The following HEMK2 variants were observed in gnomAD, a reference collection of about 807,000 sequenced individuals.
HEMK2 encodes the protein methyltransferase HEMK2.
chr21:28,671,932 C>T, the HEMK2 span, among the ~76,000 whole-genome samples: 2 of 152,108 alleles, frequency 1.3e-5, no homozygotes, highest in Non-Finnish European at 2.9e-5. Flanking sequence ...CCTATCATTT[C>T]GCTGGAAAAC....
At chr21:28,741,581 T>G in the HEMK2 span, among the ~76,000 whole-genome samples, 8 of 152,110 alleles carry the variant, frequency 5.3e-5, no homozygotes, top group Non-Finnish European at 7.4e-5. Flanking sequence ...CCCCAGCGGG[T>G]GTTGTTCCCC....
At chr21:28,715,345 G>GC in the HEMK2 span, among the ~76,000 whole-genome samples, 14 of 152,038 alleles carry the variant, frequency 9.2e-5, no homozygotes, top group East Asian at 2.1e-3. Context: ...TCTGACTGAT[G>GC]CAAGATGGTA....
chr21:28,603,452 A>G, the HEMK2 span, among the ~76,000 whole-genome samples: 2 of 151,934 alleles, frequency 1.3e-5, no homozygotes, highest in Non-Finnish European at 2.9e-5. Context: ...ACTCTTCCAC[A>G]ATATTATTTT....
the HEMK2 span, among the ~76,000 whole-genome samples, chr21:28,609,839 G>A: frequency 3.0e-4 from 46 of 152,206 alleles, no homozygotes; most frequent in South Asian, 7.5e-3. Flanking sequence ...CAGGGCTTTT[G>A]AATTAACTCA....
the HEMK2 span, among the ~76,000 whole-genome samples, chr21:28,603,719 T>G: frequency 2.0e-5 from 3 of 152,330 alleles, no homozygotes; most frequent in African/African-American, 7.2e-5. Flanking sequence ...GGTTGTTTTC[T>G]GAAGGAGCTC....
chr21:28,796,097 C>G, the HEMK2 span, among the ~76,000 whole-genome samples: 1 of 152,114 alleles, frequency 6.6e-6, no homozygotes, highest in African/African-American at 2.4e-5. Context: ...AAGAGACAAA[C>G]AGAAGAGTGA....
the HEMK2 span, among the ~76,000 whole-genome samples, chr21:28,627,921 A>T: frequency 6.6e-6 from 1 of 152,190 alleles, no homozygotes; most frequent in Admixed American, 6.5e-5. Context: ...GTTGCTGGCC[A>T]CTACTTCATT....
the HEMK2 span, among the ~76,000 whole-genome samples, chr21:28,628,429 C>T: frequency 6.6e-6 from 1 of 152,068 alleles, no homozygotes; most frequent in Non-Finnish European, 1.5e-5. Flanking sequence ...CTTTGGAGTT[C>T]AGATTAGATC....
the HEMK2 span, among the ~76,000 whole-genome samples, chr21:28,608,499 T>A: frequency 6.7e-6 from 1 of 149,812 alleles, no homozygotes; most frequent in South Asian, 2.1e-4. Flanking sequence ...ACCCACTTCA[T>A]GAACTTTTGC....
chr21:28,712,199 C>T, the HEMK2 span, among the ~76,000 whole-genome samples: 17 of 152,280 alleles, frequency 1.1e-4, no homozygotes, highest in Admixed American at 3.9e-4. Flanking sequence ...CCTGGTTGCC[C>T]ACCACCATGA....
chr21:28,795,438 G>A, the HEMK2 span, among the ~76,000 whole-genome samples: 1 of 152,164 alleles, frequency 6.6e-6, no homozygotes, highest in African/African-American at 2.4e-5. Flanking sequence ...TTGGTCAAGT[G>A]TCTCCCCTCT....
At chr21:28,804,896 A>AT in the HEMK2 span, among the ~76,000 whole-genome samples, 1 of 152,220 alleles carries the variant, frequency 6.6e-6, no homozygotes, top group African/African-American at 2.4e-5. Context: ...TACTGTTTGT[A>AT]ATTCATGTTT....
At chr21:28,614,098 C>T in the HEMK2 span, among the ~76,000 whole-genome samples, 1 of 152,224 alleles carries the variant, frequency 6.6e-6, no homozygotes, top group Non-Finnish European at 1.5e-5. Flanking sequence ...TCCTTTCCCT[C>T]TCTTTTCCTC....
chr21:28,710,421 T>C, the HEMK2 span, among the ~76,000 whole-genome samples: 13 of 152,358 alleles, frequency 8.5e-5, no homozygotes, highest in South Asian at 2.7e-3. Context: ...TTTTTTACTT[T>C]AAAATGCTAT....
chr21:28,580,462 C>T, the HEMK2 span, among the ~76,000 whole-genome samples: 9 of 152,010 alleles, frequency 5.9e-5, no homozygotes, highest in African/African-American at 9.7e-5. Context: ...CACCCCACTC[C>T]CCACCCATTT....
chr21:28,839,022 C>T, the HEMK2 span, among the ~76,000 whole-genome samples: 1 of 112,316 alleles, frequency 8.9e-6, no homozygotes, highest in South Asian at 3.0e-4. Flanking sequence ...CACAATCTGC[C>T]ATGATAAAGT....
At chr21:28,728,245 A>C in the HEMK2 span, among the ~76,000 whole-genome samples, 3 of 152,230 alleles carry the variant, frequency 2.0e-5, no homozygotes, top group Non-Finnish European at 4.4e-5. Flanking sequence ...AAAGTATTTA[A>C]TGTCCTCTAA....
the HEMK2 span, among the ~76,000 whole-genome samples, chr21:28,622,004 C>CT: frequency 1.6e-4 from 24 of 151,944 alleles, no homozygotes; most frequent in Admixed American, 7.2e-4. Context: ...GCAAGCCCTG[C>CT]TTTTTTTTGC....
chr21:28,780,007 CA>C, the HEMK2 span, among the ~76,000 whole-genome samples: 1 of 151,688 alleles, frequency 6.6e-6, no homozygotes, highest in African/African-American at 2.4e-5. Flanking sequence ...TCACTTTAAA[CA>C]AAAAAAACCC....
Sources: allele counts gnomAD v4.1 joint callset (sites outside exome capture counted in the v4.1 genomes callset), GRCh38; gene constraint gnomAD v4.1.1; transcripts MANE v1.5; gene names NCBI Gene and HGNC (gene_info 2026-07-23, HGNC 2026-07-21).